The following UNC13C variants were observed in gnomAD, a reference collection of about 807,000 sequenced individuals.
UNC13C encodes protein unc-13 homolog C.
Under a neutral mutation model 245.4 loss-of-function variants are expected in UNC13C, and 174 were observed. The observed-to-expected ratio is 0.71, with a 90% CI of 0.63 to 0.80. The LOEUF (loss-of-function observed/expected upper bound fraction) is 0.80. Among genes scored for constraint, UNC13C ranks in the 30% least tolerant of loss-of-function variants. The pLI, the probability that UNC13C is intolerant of heterozygous loss-of-function variation, is 0.00. For synonymous variants in UNC13C, 992 were observed against 895.1 expected (o/e 1.11, Z -1.93); for missense variants, 2,829 against 2,602.9 (o/e 1.09, Z -1.89).
At chr15:53,937,559 A>G in the UNC13C span, among the ~76,000 whole-genome samples, 3 of 152,188 alleles carry the variant, frequency 2.0e-5, no homozygotes, top group African/African-American at 7.2e-5. Flanking sequence ...CCATGAGAAG[A>G]TCAACCCCAA....
At chr15:54,218,222 A>G (rs780554479) in intron 4 of UNC13C, among the ~76,000 whole-genome samples, 3 of 152,000 alleles carry the variant, frequency 2.0e-5, no homozygotes, top group Admixed American at 6.6e-5. Context: ...TTACCTTTCA[A>G]CCCACACATG....
At chr15:54,516,099 A>C (rs900482809) in intron 24 of UNC13C, among the ~76,000 whole-genome samples, 17 of 152,212 alleles carry the variant, frequency 1.1e-4, no homozygotes, top group Non-Finnish European at 2.1e-4. Context: ...CTGACTGCCC[A>C]AAAGTGTGTG....
chr15:53,887,311 C>T, the UNC13C span, among the ~76,000 whole-genome samples: 1 of 152,068 alleles, frequency 6.6e-6, no homozygotes, highest in African/African-American at 2.4e-5. Flanking sequence ...TTAAAATCCC[C>T]CGTTATTTAA....
At chr15:54,369,501 G>A (rs530775797) in intron 17 of UNC13C, among the ~76,000 whole-genome samples, 1 of 152,154 alleles carries the variant, frequency 6.6e-6, no homozygotes, top group South Asian at 2.1e-4. Context: ...TTTTAAAAAT[G>A]CACCACAAAT....
chr15:53,850,876 T>C, the UNC13C span, among the ~76,000 whole-genome samples: 1 of 151,974 alleles, frequency 6.6e-6, no homozygotes, highest in Admixed American at 6.6e-5. Flanking sequence ...CCAACCTTTT[T>C]TTTTTTCCTT....
chr15:54,567,873 G>T lies in UNC13C; in HGVS notation c.6032G>T (p.Arg2011Ile), dbSNP rs758593287. 2.5e-6 allele frequency: 4 copies of T among 1,601,098 alleles called. No homozygotes were observed. The South Asian group carries it at 4.5e-5, about 18-fold the overall frequency. ...AAAAGCCCAGATCTTCAGTCTCTGA[G>T]ATATGCTCTCAGTCTTTATACCCAA... ...LEKSPDLQSL[R>I]YALSLYTQTT... Residue 2011 changes from arginine (R) to isoleucine (I), a missense_variant, in exon 30 of 33, where the codon AGA becomes ATA. Arg to Ile is a moderately conservative substitution (Grantham distance 97). Coordinates refer to ENST00000260323, the MANE Select transcript of UNC13C (RefSeq NM_001080534.3).
intron 4 of UNC13C, among the ~76,000 whole-genome samples, chr15:54,194,961 C>T (rs934645988): frequency 1.3e-5 from 2 of 152,138 alleles, no homozygotes; most frequent in East Asian, 1.9e-4. Context: ...GACTCTATTT[C>T]CATTTAGTTT....
intron 4 of UNC13C, among the ~76,000 whole-genome samples, chr15:54,198,284 C>T (rs757535777): frequency 1.3e-5 from 2 of 152,092 alleles, no homozygotes; most frequent in Non-Finnish European, 2.9e-5. Context: ...TGGCCCTGCC[C>T]ACCACCTGAG....
chr15:54,093,955 T>G (rs568913086), intron 2 of UNC13C, among the ~76,000 whole-genome samples: 1 of 149,390 alleles, frequency 6.7e-6, no homozygotes, highest in Non-Finnish European at 1.5e-5. Flanking sequence ...GTGGGGAGCA[T>G]AATTGACTTA....
At chr15:54,069,226 C>A (rs557662975) in intron 2 of UNC13C, among the ~76,000 whole-genome samples, 1 of 152,240 alleles carries the variant, frequency 6.6e-6, no homozygotes, top group South Asian at 2.1e-4. Context: ...TAAGCAGCTC[C>A]AAGATGACCT....
At chr15:54,491,356 AG>A (rs199529254) in intron 19 of UNC13C, among the ~76,000 whole-genome samples, 12 of 151,140 alleles carry the variant, frequency 7.9e-5, no homozygotes, top group East Asian at 3.9e-4. Context: ...TTCCTACCAA[AG>A]GAAAAAAAAA....
At chr15:54,449,182 A>G (rs1891011945) in intron 19 of UNC13C, among the ~76,000 whole-genome samples, 1 of 152,136 alleles carries the variant, frequency 6.6e-6, no homozygotes, top group Admixed American at 6.6e-5. Context: ...GGGTAACCCG[A>G]CTTTTCTCTC....
chr15:54,374,603 G>A (rs1361975718), intron 17 of UNC13C, among the ~76,000 whole-genome samples: 2 of 152,264 alleles, frequency 1.3e-5, no homozygotes, highest in Non-Finnish European at 2.9e-5. Context: ...GCCTGCTGAA[G>A]AAGGGAGGCA....
rs1491473719 is a variant in UNC13C at position 54,455,206 on chromosome 15, T to TCTCTCTCTCC, written c.4934-39402_4934-39401insCTCTCTCTCC. ...CTCTCTCTCTCTCTCTCTCTCTCTC[T>TCTCTCTCTCC]ATATATATATATATATATATATATA... On this transcript the variant is annotated intron_variant, in intron 19 of 32. Transcript: ENST00000260323. 1.3e-3 allele frequency among the ~76,000 whole-genome samples: 31 copies of TCTCTCTCTCC among 24,026 alleles called. 3 individuals carry two copies. Among genetic ancestry groups the TCTCTCTCTCC allele is most frequent in the African/African-American group, 3.8e-3 (28 of 7,396 alleles). The allele number at this position is 24,026 out of a possible 152,430, so 15.8% of individuals were successfully genotyped here. A position where few individuals can be genotyped will look rare whatever the true frequency, so the allele number is the denominator to read the frequency against.
intron 19 of UNC13C, among the ~76,000 whole-genome samples, chr15:54,429,757 TGAC>T (rs1052971022): frequency 5.3e-4 from 81 of 151,816 alleles, no homozygotes; most frequent in African/African-American, 1.9e-3. Context: ...GGCAGTGTAA[TGAC>T]AGCATTGCCA....
At chr15:54,348,482 C>A (rs1291904437) in intron 17 of UNC13C, among the ~76,000 whole-genome samples, 1 of 152,084 alleles carries the variant, frequency 6.6e-6, no homozygotes, top group African/African-American at 2.4e-5. Context: ...TTAATGCTTA[C>A]TAAATGAAAA....
chr15:54,222,568 C>G (rs897221453), intron 4 of UNC13C, among the ~76,000 whole-genome samples: 2 of 152,110 alleles, frequency 1.3e-5, no homozygotes, highest in African/African-American at 4.8e-5. Context: ...GAGCAGGTAT[C>G]TCTTCAGTAT....
At chr15:54,059,646 C>G (rs1034874432) in intron 2 of UNC13C, among the ~76,000 whole-genome samples, 11 of 152,062 alleles carry the variant, frequency 7.2e-5, no homozygotes, top group African/African-American at 2.4e-4. Context: ...CAAAAAAGAG[C>G]CCACATTGCC....
intron 30 of UNC13C, among the ~76,000 whole-genome samples, chr15:54,581,060 A>T (rs1371301581): frequency 6.6e-6 from 1 of 152,216 alleles, no homozygotes; most frequent in Admixed American, 6.5e-5. Context: ...GTATGAAGAG[A>T]AAAAAGAATC....
Sources: gnomAD v4.1 joint callset for allele counts (sites outside exome capture counted in the v4.1 genomes callset) on GRCh38, gnomAD v4.1.1 for gene constraint, MANE v1.5 for transcripts, NCBI Gene and HGNC (gene_info 2026-07-23, HGNC 2026-07-21) for gene names.